AKNA: variants seen among roughly 807,000 people sequenced by gnomAD.
AKNA encodes AT-hook transcription factor.
In AKNA, 67 loss-of-function variants were observed where a neutral mutation model predicts 138.8. The observed-to-expected ratio is 0.48, with a 90% CI of 0.40 to 0.59. The LOEUF (loss-of-function observed/expected upper bound fraction) is 0.59, where lower values mean the gene tolerates loss of function less well. AKNA is among the 20% of genes least tolerant of loss of function. The pLI is 0.00. For synonymous variants in AKNA, 737 were observed against 754.4 expected, an observed-to-expected ratio of 0.98 and a Z score of 0.38; for missense variants, 1,813 against 1,880.4, an observed-to-expected ratio of 0.96 and a Z score of 0.66.
chr9:114,390,002 C>T (rs1455660386), upstream of AKNA, among the ~76,000 whole-genome samples: 5 of 152,256 alleles, frequency 3.3e-5, no homozygotes, highest in East Asian at 9.7e-4. Context: ...CTCTGGAGGC[C>T]ATGTGTGCCA....
At chr9:114,385,099 C>T (rs775387439) in intron 1 of AKNA, among the ~76,000 whole-genome samples, 4 of 152,208 alleles carry the variant, frequency 2.6e-5, no homozygotes, top group East Asian at 1.9e-4. Flanking sequence ...AATGATCCTC[C>T]TGCCTCGGCC....
chr9:114,379,146 C>T (rs142440451), intron 2 of AKNA, among the ~76,000 whole-genome samples: 81 of 152,356 alleles, frequency 5.3e-4, no homozygotes, highest in African/African-American at 1.7e-3. Context: ...CTAGGGGTCA[C>T]GTACTAGGGG....
At chr9:114,331,781 C>T (rs374345037), downstream of AKNA, 64 of 1,600,040 alleles carry the variant, frequency 4.0e-5, 1 homozygote, top group African/African-American at 6.0e-4. Flanking sequence ...GGCCTCCCGC[C>T]GGGCCCCACC....
intron 15 of AKNA, 69 bp from the exon 16 acceptor site, chr9:114,347,969 T>A (rs552190461): frequency 5.1e-5 from 76 of 1,503,622 alleles, no homozygotes; most frequent in Non-Finnish European, 6.6e-5. Flanking sequence ...CACCCGAGTA[T>A]GCCAGGATGC....
intron 9 of AKNA, among the ~76,000 whole-genome samples, chr9:114,360,690 GCT>G (rs1372706320): frequency 6.6e-6 from 1 of 152,124 alleles, no homozygotes; most frequent in Non-Finnish European, 1.5e-5. Context: ...AGCATGCCAG[GCT>G]CTCTTTCCTG....
Position 114,359,738 on chromosome 9 carries a change from CCTT to C in AKNA, c.2345_2347del (p.Glu782del), listed in dbSNP as rs1473257575. The stretch of plus-strand genomic sequence containing the variant: ...CCCCTCTTCCTCCTCCTCCTCCTCT[CCTT>C]CTTCCTCCTCCTCCATTCTCATGGC... On this transcript the variant is annotated inframe_deletion, in exon 11 of 22. Coordinates refer to ENST00000374088, the MANE Select transcript of AKNA (RefSeq NM_001317950.2). 5 of 1,604,392 alleles carry C rather than the reference CCTT, an allele frequency of 3.1e-6. No individual in the cohort carries two copies. Among genetic ancestry groups the C allele is most frequent in the African/African-American group, 1.3e-5 (1 of 74,798 alleles).
At chr9:114,389,017 G>C (rs1834228154), upstream of AKNA, among the ~76,000 whole-genome samples, 1 of 152,180 alleles carries the variant, frequency 6.6e-6, no homozygotes, top group Admixed American at 6.5e-5. Flanking sequence ...AGAGTAATGG[G>C]TTGGAGGAGA....
intron 4 of AKNA, among the ~76,000 whole-genome samples, chr9:114,369,019 ATTAT>A (rs1483662515): frequency 2.0e-5 from 3 of 152,262 alleles, no homozygotes; most frequent in African/African-American, 7.2e-5. Flanking sequence ...ATAACATATA[ATTAT>A]TTCTTAACAA....
chr9:114,377,981 C>G (rs1296503487), intron 2 of AKNA, among the ~76,000 whole-genome samples: 1 of 152,244 alleles, frequency 6.6e-6, no homozygotes, highest in Admixed American at 6.5e-5. Flanking sequence ...ATCTGGCTAA[C>G]TGCAGTCAGT....
At chr9:114,340,558 C>T (rs917482036) in intron 21 of AKNA, among the ~76,000 whole-genome samples, 5 of 152,228 alleles carry the variant, frequency 3.3e-5, no homozygotes, top group East Asian at 3.8e-4. Context: ...GTTCCTGCCA[C>T]GTGCCACACT....
At position 114,356,052 on chromosome 9, in the gene AKNA, A is replaced by C; in HGVS notation, c.2931T>G (p.Ile977Met). ...TGCTGGGCTCTGTGGCTCTTCTGGG[A>C]ATCAGAGAACCCCTGGCCTTGGGGT... The part of the protein sequence containing the change: ...ASYPKARGSL[I>M]PRRATEPSTP... The change falls in exon 14 of 22, where the codon ATT (isoleucine) becomes ATG (methionine). Residue 977 changes from isoleucine (I) to methionine (M), a missense_variant. By Grantham distance (10) the Ile-to-Met change is conservative. Coordinates refer to ENST00000374088, the MANE Select transcript of AKNA (RefSeq NM_001317950.2). 1 of 1,613,984 alleles carries C rather than the reference A, an allele frequency of 6.2e-7. No individual in the cohort carries two copies. The highest frequency in any genetic ancestry group is 8.5e-7 in the Non-Finnish European group (1 of 1,180,006).
At chr9:114,373,885 C>CA (rs758805914) in intron 4 of AKNA, among the ~76,000 whole-genome samples, 3,770 of 78,920 alleles carry the variant, frequency 0.048, 379 homozygotes, top group African/African-American at 0.19. Flanking sequence ...GACCCTGACT[C>CA]AAAAAAAAAA....
intron 4 of AKNA, among the ~76,000 whole-genome samples, chr9:114,370,194 G>C (rs529940213): frequency 1.4e-3 from 209 of 152,316 alleles, no homozygotes; most frequent in African/African-American, 4.7e-3. Flanking sequence ...CATGGTCCCC[G>C]CCGCCTCCCC....
In AKNA at chr9:114,377,548, A is replaced by T; in HGVS notation, c.275-16T>A. The stretch of plus-strand genomic sequence containing the variant: ...GCTTCAGCCTCTGGAAAGACAGGCC[A>T]TTCACTTCTTAGCATATACCAGCTC... On this transcript the variant is annotated splice_polypyrimidine_tract_variant and intron_variant, in intron 2 of 21. Transcript: ENST00000374088. 1 of 1,578,614 alleles carries T rather than the reference A, an allele frequency of 6.3e-7. No homozygotes were observed. The highest frequency in any genetic ancestry group is 8.6e-7 in the Non-Finnish European group (1 of 1,162,462).
intron 21 of AKNA, among the ~76,000 whole-genome samples, chr9:114,340,777 T>C (rs928678260): frequency 5.3e-5 from 8 of 152,082 alleles, no homozygotes; most frequent in African/African-American, 1.7e-4. Context: ...TGATGTTACG[T>C]CCAGAATCTG....
chr9:114,359,630 G>A lies in AKNA; in HGVS notation c.2456C>T (p.Pro819Leu), dbSNP rs777135855. Residue 819 changes from proline to leucine, a missense_variant, in exon 11 of 22, where the codon CCG becomes CTG. Physicochemically the swap from Pro to Leu is moderately conservative, Grantham distance 98. Transcript: ENST00000374088. The stretch of plus-strand genomic sequence containing the variant: ...CCCATGACTTTTCTCAGCCTGCACC[G>A]GGCACTGCCTTGGGAGGACCCTGGT... Reference protein sequence around the residue: ...EATRVLPRQCPVQAEKSHGAP... With the variant: ...EATRVLPRQCLVQAEKSHGAP... 3.8e-5 allele frequency: 61 copies of A among 1,610,562 alleles called. No individual in the cohort carries two copies. The highest frequency in any genetic ancestry group is 3.1e-4 in the South Asian group (28 of 91,070).
chr9:114,380,981 C>T, intron 2 of AKNA, 79 bp downstream of exon 2: 2 of 1,106,804 alleles, frequency 1.8e-6, no homozygotes, highest in Non-Finnish European at 2.3e-6. Flanking sequence ...GACTCTGTCT[C>T]AAAAAAAAAA....
downstream of AKNA, chr9:114,332,010 G>A: frequency 7.9e-7 from 1 of 1,266,550 alleles, no homozygotes; most frequent in Non-Finnish European, 1.1e-6. Context: ...CAGGAAAGCT[G>A]CCAGGCAAGG....
At chr9:114,365,713 GTA>G (rs1832297174) in intron 6 of AKNA, among the ~76,000 whole-genome samples, 1 of 152,078 alleles carries the variant, frequency 6.6e-6, no homozygotes, top group Admixed American at 6.5e-5. Context: ...ATTTCAACAT[GTA>G]ATCAATACTA....
Sources: gnomAD v4.1 joint callset for allele counts (sites outside exome capture counted in the v4.1 genomes callset) on GRCh38, gnomAD v4.1.1 for gene constraint, MANE v1.5 for transcripts, NCBI Gene and HGNC (gene_info 2026-07-23, HGNC 2026-07-21) for gene names.